PDE8B: variants seen among roughly 807,000 people sequenced by gnomAD.
PDE8B encodes phosphodiesterase 8B, also known as high affinity cAMP-specific and IBMX-insensitive 3',5'-cyclic phosphodiesterase 8B.
Under a neutral mutation model 101.3 loss-of-function variants are expected in PDE8B, and 26 were observed. That is an observed-to-expected ratio of 0.26 (90% CI 0.19 to 0.36). PDE8B has a LOEUF of 0.36. Among genes scored for constraint, PDE8B ranks in the 10% least tolerant of loss-of-function variants. The pLI, the probability that PDE8B is intolerant of heterozygous loss-of-function variation, is 1.00. For synonymous variants in PDE8B, 424 were observed against 429.3 expected (o/e 0.99, Z 0.15); for missense variants, 810 against 1,163.1 (o/e 0.70, Z 4.42).
At chr5:77,154,223 T>C in the PDE8B span, among the ~76,000 whole-genome samples, 1 of 152,248 alleles carries the variant, frequency 6.6e-6, no homozygotes, top group Non-Finnish European at 1.5e-5. Context: ...CATTGACTGC[T>C]TTTCTCATAT....
intron 1 of PDE8B, among the ~76,000 whole-genome samples, chr5:77,228,614 A>G (rs1752927052): frequency 6.6e-6 from 1 of 152,136 alleles, no homozygotes; most frequent in Non-Finnish European, 1.5e-5. Context: ...TGAGGGGGTA[A>G]AATACCTGAG....
chr5:77,162,609 A>G, the PDE8B span, among the ~76,000 whole-genome samples: 1 of 152,230 alleles, frequency 6.6e-6, no homozygotes. Context: ...CTGCACATAT[A>G]CAACCAGTTG....
the PDE8B span, among the ~76,000 whole-genome samples, chr5:77,095,169 T>C: frequency 6.6e-6 from 1 of 152,070 alleles, no homozygotes; most frequent in Non-Finnish European, 1.5e-5. Flanking sequence ...TCCCAGATGT[T>C]TTTTTTTGCT....
At chr5:77,370,606 A>T (rs560119753) in intron 10 of PDE8B, among the ~76,000 whole-genome samples, 3 of 152,352 alleles carry the variant, frequency 2.0e-5, no homozygotes, top group African/African-American at 7.2e-5. Flanking sequence ...TTATGAATAA[A>T]GCTGCTGTGA....
At chr5:77,416,045 C>T (rs1186102802) in intron 17 of PDE8B, among the ~76,000 whole-genome samples, 3 of 152,130 alleles carry the variant, frequency 2.0e-5, no homozygotes, top group Non-Finnish European at 4.4e-5. Context: ...TCCTCCTCGA[C>T]GTAGGGCCTT....
chr5:77,295,359 T>C (rs140492863), intron 1 of PDE8B, among the ~76,000 whole-genome samples: 29 of 152,274 alleles, frequency 1.9e-4, no homozygotes, highest in African/African-American at 6.7e-4. Context: ...TAAGGACTGG[T>C]GGTTGACACG....
chr5:77,335,264 A>G (rs1483900400), intron 5 of PDE8B, among the ~76,000 whole-genome samples: 1 of 152,230 alleles, frequency 6.6e-6, no homozygotes, highest in Non-Finnish European at 1.5e-5. Context: ...TTTACAAAAC[A>G]TGAGCTAACA....
Position 77,329,199 on chromosome 5 carries a change from TG to T in PDE8B, c.650+147del, listed in dbSNP as rs1452670179. 2.3e-4 allele frequency: 159 copies of T among 700,788 alleles called. No homozygotes were observed. In the East Asian group the frequency reaches 4.3e-3, roughly 19 times the overall value. 43.4% of individuals were successfully genotyped at this position (700,788 alleles called of 1,614,324 possible). On this transcript the variant is annotated intron_variant, in intron 4 of 21. Transcript: ENST00000264917. ...CCAGCCTTAGATCTTGATCTTGCTTTGGGGGTTTTGTTTGTTTCACAAGTTC... is the reference window on the plus strand; with the variant it reads ...CCAGCCTTAGATCTTGATCTTGCTTTGGGGTTTTGTTTGTTTCACAAGTTC...
the PDE8B span, among the ~76,000 whole-genome samples, chr5:77,127,954 T>G: frequency 6.6e-6 from 1 of 152,216 alleles, no homozygotes; most frequent in Non-Finnish European, 1.5e-5. Context: ...TGTCTTAATC[T>G]TCAAGACAGT....
intron 1 of PDE8B, among the ~76,000 whole-genome samples, chr5:77,311,774 A>C (rs1436853223): frequency 6.6e-6 from 1 of 150,728 alleles, no homozygotes; most frequent in African/African-American, 2.5e-5. Flanking sequence ...GTATCCTTAA[A>C]GACATTTCCA....
chr5:77,261,238 C>T (rs1234424742), intron 1 of PDE8B, among the ~76,000 whole-genome samples: 3 of 152,066 alleles, frequency 2.0e-5, no homozygotes, highest in Non-Finnish European at 4.4e-5. Context: ...AGGAACTCAC[C>T]ATATGATATA....
chr5:77,424,646 G>A (rs1034877047), intron 20 of PDE8B, among the ~76,000 whole-genome samples: 7 of 152,264 alleles, frequency 4.6e-5, no homozygotes, highest in Non-Finnish European at 7.3e-5. Context: ...CTTTCCACAA[G>A]ACAACCAGCA....
chr5:77,290,854 C>G (rs1767152726), intron 1 of PDE8B: 2 of 1,561,880 alleles, frequency 1.3e-6, no homozygotes, highest in Non-Finnish European at 1.8e-6. Flanking sequence ...CCAACCACTT[C>G]CCTCATTAGT....
chr5:77,274,257 AT>A (rs1763388953), intron 1 of PDE8B, among the ~76,000 whole-genome samples: 1 of 152,192 alleles, frequency 6.6e-6, no homozygotes, highest in Non-Finnish European at 1.5e-5. Flanking sequence ...AGGTATTATT[AT>A]TTGCATTATA....
the PDE8B span, among the ~76,000 whole-genome samples, chr5:77,096,611 C>T: frequency 6.6e-6 from 1 of 152,184 alleles, no homozygotes; most frequent in African/African-American, 2.4e-5. Flanking sequence ...GCTCTCATGA[C>T]TGAAACATTT....
chr5:77,154,606 A>G, the PDE8B span, among the ~76,000 whole-genome samples: 1 of 152,186 alleles, frequency 6.6e-6, no homozygotes, highest in Non-Finnish European at 1.5e-5. Flanking sequence ...CCATCCTTGT[A>G]CCACAGGAGT....
rs1197580484 is a variant in PDE8B, at chr5:77,211,228, C to G, written c.303C>G (p.Ala101=). 1.9e-6 allele frequency: 3 copies of G among 1,573,874 alleles called. No homozygotes were observed. The highest frequency in any genetic ancestry group is 1.7e-5 in the Admixed American group (1 of 57,360). The change falls in exon 1 of 22, where the codon GCC becomes GCG. Residue 101 remains alanine (A), a synonymous_variant. Transcript: ENST00000264917. This position sits in a 1 kb window ranked among gnomAD's most constrained non-coding sequence, Gnocchi z 4.1. ...GGAGGCGCCACTGCTGCAGCAGCGC[C>G]GAGGCCGAGACTCAGACCTGCTACA... ...RGRRRHCCSS[A]EAETQTCYTS...
chr5:77,183,768 G>A, the PDE8B span, among the ~76,000 whole-genome samples: 1 of 152,080 alleles, frequency 6.6e-6, no homozygotes, highest in South Asian at 2.1e-4. Flanking sequence ...TGGGTAAACC[G>A]TAATTTATTT....
At chr5:77,368,636 C>T (rs562553428) in intron 10 of PDE8B, among the ~76,000 whole-genome samples, 1 of 152,328 alleles carries the variant, frequency 6.6e-6, no homozygotes, top group East Asian at 1.9e-4. Context: ...TCCATCTTGA[C>T]CTCTTCTTTC....
Sources: allele counts gnomAD v4.1 joint callset (sites outside exome capture counted in the v4.1 genomes callset), GRCh38; gene constraint gnomAD v4.1.1; non-coding constraint Gnocchi (gnomAD v3.1); transcripts MANE v1.5; gene names NCBI Gene and HGNC (gene_info 2026-07-23, HGNC 2026-07-21).